Variants in CTNND2 observed in about 807,000 individuals in gnomAD.
CTNND2 encodes catenin delta 2.
Under a neutral mutation model 144.4 loss-of-function variants are expected in CTNND2, and 22 were observed. The ratio of observed to expected loss-of-function variants is 0.15; its 90% CI spans 0.11 to 0.22. The LOEUF is 0.22. CTNND2 is among the 10% of genes least tolerant of loss of function. The pLI is 1.00. For missense variants in CTNND2, 1,353 were observed against 1,618.8 expected (o/e 0.84, Z 2.82); for synonymous variants, 751 against 695.6 (o/e 1.08, Z -1.25).
chr5:11,230,385 A>G (rs1740875077), intron 10 of CTNND2, among the ~76,000 whole-genome samples: 1 of 152,172 alleles, frequency 6.6e-6, no homozygotes, highest in South Asian at 2.1e-4. Flanking sequence ...AAAATCCGCA[A>G]AAGTTAGCAA....
chr5:11,200,711 C>T (rs1313663340), intron 10 of CTNND2, among the ~76,000 whole-genome samples: 1 of 152,168 alleles, frequency 6.6e-6, no homozygotes, highest in African/African-American at 2.4e-5. Context: ...CAGAGTCTCG[C>T]TCTGTCACCC....
intron 2 of CTNND2, among the ~76,000 whole-genome samples, chr5:11,688,193 A>G (rs1401563892): frequency 1.3e-5 from 2 of 152,088 alleles, no homozygotes; most frequent in East Asian, 1.9e-4. Context: ...TTTCAAGCCA[A>G]TCTTCCAAGC....
In CTNND2 at chr5:11,262,761, C is replaced by CAAAAAAAAA. The variant is rs11289676; in HGVS notation, c.1629-25947_1629-25939dup. The stretch of plus-strand genomic sequence containing the variant: ...TGGGTGACAGAGTAAGACTCTGTCT[C>CAAAAAAAAA]AAAAAAAAAAAAAAAAAAAAAAAAA... On this transcript the variant is annotated intron_variant, in intron 9 of 21. Coordinates refer to ENST00000304623, the MANE Select transcript of CTNND2 (RefSeq NM_001332.4). 7.0e-3 allele frequency among the ~76,000 whole-genome samples: 319 copies of CAAAAAAAAA among 45,688 alleles called. 8 individuals carry two copies. Among genetic ancestry groups the CAAAAAAAAA allele is most frequent in the African/African-American group, 0.026 (271 of 10,322 alleles). 30.0% of individuals were successfully genotyped at this position (45,688 alleles called of 152,430 possible).
At chr5:11,443,478 T>A (rs1764529613) in intron 3 of CTNND2, among the ~76,000 whole-genome samples, 1 of 151,234 alleles carries the variant, frequency 6.6e-6, no homozygotes, top group Admixed American at 6.6e-5. Flanking sequence ...TGTGCATACA[T>A]ATATATGTGC....
At chr5:11,110,821 G>C (rs745975027) in intron 14 of CTNND2, 37 bp downstream of exon 14, 2 of 1,569,858 alleles carry the variant, frequency 1.3e-6, no homozygotes, top group African/African-American at 2.7e-5. Flanking sequence ...AATTAGGAAG[G>C]GGATAATTGC....
chr5:11,483,286 C>T (rs1768457447), intron 3 of CTNND2, among the ~76,000 whole-genome samples: 2 of 152,096 alleles, frequency 1.3e-5, no homozygotes, highest in South Asian at 2.1e-4. Flanking sequence ...CATTTCCTGA[C>T]CTGGGAAAGG....
At chr5:11,835,048 G>A (rs1377830945) in intron 1 of CTNND2, among the ~76,000 whole-genome samples, 1 of 152,204 alleles carries the variant, frequency 6.6e-6, no homozygotes, top group Non-Finnish European at 1.5e-5. Context: ...TGAGATGGGA[G>A]GATCACCTAA....
chr5:11,523,490 C>T (rs1169520196), intron 3 of CTNND2, among the ~76,000 whole-genome samples: 1 of 152,142 alleles, frequency 6.6e-6, no homozygotes, highest in Non-Finnish European at 1.5e-5. Flanking sequence ...TATGACTCTA[C>T]ACTGGAATAA....
intron 1 of CTNND2, among the ~76,000 whole-genome samples, chr5:11,868,113 A>G (rs1160848493): frequency 6.6e-6 from 1 of 152,006 alleles, no homozygotes; most frequent in African/African-American, 2.4e-5. Flanking sequence ...CTTCACCTGC[A>G]GGCACAGCTA....
intron 2 of CTNND2, among the ~76,000 whole-genome samples, chr5:11,590,336 C>A (rs948772423): frequency 6.6e-6 from 1 of 152,128 alleles, no homozygotes; most frequent in Non-Finnish European, 1.5e-5. Context: ...AGCCACCAGG[C>A]CTGGCCCTGT....
chr5:11,474,340 C>A (rs1561446931), intron 3 of CTNND2, among the ~76,000 whole-genome samples: 1 of 152,156 alleles, frequency 6.6e-6, no homozygotes, highest in Non-Finnish European at 1.5e-5. Flanking sequence ...TAGCAAAGAT[C>A]TTCTAATCTA....
chr5:11,333,708 C>A (rs1753430447), intron 9 of CTNND2, among the ~76,000 whole-genome samples: 1 of 152,168 alleles, frequency 6.6e-6, no homozygotes, highest in South Asian at 2.1e-4. Flanking sequence ...CGTCTGGGAG[C>A]TGACCTGGAA....
chr5:11,692,418 T>C (rs1038741237), intron 2 of CTNND2, among the ~76,000 whole-genome samples: 4 of 152,228 alleles, frequency 2.6e-5, no homozygotes, highest in Admixed American at 2.6e-4. Flanking sequence ...CTGCTGTCTG[T>C]GTTTGGCTTT....
chr5:11,399,483 C>T (rs965805981), intron 5 of CTNND2, among the ~76,000 whole-genome samples: 2 of 152,176 alleles, frequency 1.3e-5, no homozygotes, highest in Non-Finnish European at 1.5e-5. Flanking sequence ...AGTTAAATAA[C>T]TTTGTATATT....
At chr5:11,782,530 T>C (rs4998086) in intron 1 of CTNND2, among the ~76,000 whole-genome samples, 123,982 of 152,158 alleles carry the variant, frequency 0.81, 54,906 homozygotes, top group Non-Finnish European at 0.98. Flanking sequence ...CATGGAGGTA[T>C]AAAACAAGCC....
At chr5:11,429,735 T>A (rs752042922) in intron 3 of CTNND2, among the ~76,000 whole-genome samples, 1 of 152,138 alleles carries the variant, frequency 6.6e-6, no homozygotes, top group Non-Finnish European at 1.5e-5. Flanking sequence ...GCGTTTTGTA[T>A]AGATTTTCCA....
intron 3 of CTNND2, among the ~76,000 whole-genome samples, chr5:11,414,376 C>G (rs890500414): frequency 4.6e-5 from 7 of 152,162 alleles, no homozygotes; most frequent in Non-Finnish European, 1.0e-4. Flanking sequence ...GTGTTATGTC[C>G]TCCAGGATTT....
intron 3 of CTNND2, among the ~76,000 whole-genome samples, chr5:11,544,610 A>T (rs1775049945): frequency 6.6e-6 from 1 of 152,242 alleles, no homozygotes; most frequent in Non-Finnish European, 1.5e-5. Flanking sequence ...GCAAAAAAGG[A>T]ATGAACTATT....
chr5:11,596,470 C>G (rs1466454942), intron 2 of CTNND2, among the ~76,000 whole-genome samples: 1 of 152,152 alleles, frequency 6.6e-6, no homozygotes, highest in Non-Finnish European at 1.5e-5. Flanking sequence ...ATTTTAAGTT[C>G]TTCCCACAAT....
Sources: allele counts gnomAD v4.1 joint callset (sites outside exome capture counted in the v4.1 genomes callset), GRCh38; gene constraint gnomAD v4.1.1; transcripts MANE v1.5; gene names NCBI Gene and HGNC (gene_info 2026-07-23, HGNC 2026-07-21).